The following TLE4 variants were observed in gnomAD, a reference collection of about 807,000 sequenced individuals.
TLE4 encodes TLE family member 4, transcriptional corepressor.
Under a neutral mutation model 92.8 loss-of-function variants are expected in TLE4, and 8 were observed. The observed-to-expected ratio is 0.09, with a 90% confidence interval of 0.05 to 0.16. The LOEUF is 0.16. TLE4 is among the 10% of genes least tolerant of loss of function. TLE4 has a pLI of 1.00. For missense variants in TLE4, 675 were observed against 997.6 expected, an observed-to-expected ratio of 0.68 and a Z score of 4.36; for synonymous variants, 371 against 374.1, an observed-to-expected ratio of 0.99 and a Z score of 0.10.
At chr9:79,665,109 A>G (rs529462391) in intron 8 of TLE4, among the ~76,000 whole-genome samples, 1 of 152,302 alleles carries the variant, frequency 6.6e-6, no homozygotes, top group Admixed American at 6.5e-5. Context: ...AATTCTGTAT[A>G]TGTTTTCCTT....
chr9:79,690,146 C>T (rs1010551351), intron 8 of TLE4, among the ~76,000 whole-genome samples: 5 of 152,126 alleles, frequency 3.3e-5, no homozygotes, highest in Admixed American at 6.5e-5. Context: ...TCTTTCTTTC[C>T]AGACTTAGCC....
chr9:79,574,529 G>T (rs970714519), intron 2 of TLE4, among the ~76,000 whole-genome samples: 7 of 152,072 alleles, frequency 4.6e-5, no homozygotes, highest in African/African-American at 1.7e-4. Flanking sequence ...ATTTGTGCTT[G>T]TATGTGCAGT....
At chr9:79,708,294 T>G (rs2072250112) in intron 12 of TLE4, 44 bp downstream of exon 12, 1 of 1,601,114 alleles carries the variant, frequency 6.2e-7, no homozygotes. Flanking sequence ...TGCTCGTTTT[T>G]AAGAATTTAA....
intron 7 of TLE4, chr9:79,653,018 G>A (rs2059263023): frequency 1.6e-6 from 1 of 611,216 alleles, no homozygotes. Context: ...GCCTATTTCT[G>A]GTTATTGCCT....
intron 8 of TLE4, among the ~76,000 whole-genome samples, chr9:79,698,026 C>T (rs2068738665): frequency 6.6e-6 from 1 of 152,074 alleles, no homozygotes; most frequent in Non-Finnish European, 1.5e-5. Context: ...CCACATTTGC[C>T]AAAAGGGAAT....
rs146670230 is a variant in TLE4 at position 79,589,536 on chromosome 9, A to G, written c.252+13359A>G. On this transcript the variant is annotated intron_variant, in intron 4 of 19. Coordinates refer to ENST00000376552, the MANE Select transcript of TLE4 (RefSeq NM_007005.6). ...ACATCCAGATCTTTGTGGTGCTACTACTGCGCAAGGCAGAAGACATTTTCA... is the reference window on the plus strand; with the variant it reads ...ACATCCAGATCTTTGTGGTGCTACTGCTGCGCAAGGCAGAAGACATTTTCA... Among the ~76,000 whole-genome samples, 6 of 152,050 alleles carry G rather than the reference A, an allele frequency of 3.9e-5. No individual in the cohort carries two copies. The East Asian group carries it at 1.2e-3, about 30-fold the overall frequency.
At chr9:79,626,193 C>A (rs190566195) in intron 5 of TLE4, among the ~76,000 whole-genome samples, 3 of 152,296 alleles carry the variant, frequency 2.0e-5, no homozygotes, top group African/African-American at 7.2e-5. Context: ...ATAATGGTCA[C>A]CCTAGTTAAT....
chr9:79,572,830 C>A lies in TLE4; in HGVS notation c.40C>A (p.His14Asn). Residue 14 changes from histidine to asparagine, a missense_variant, in exon 1 of 20, where the codon CAC becomes AAC. Around this residue, in one of 5 missense-constraint regions of TLE4, gnomAD observed 38 missense variants for 33.5 expected, o/e 1.14. Coordinates refer to ENST00000376552, the MANE Select transcript of TLE4 (RefSeq NM_007005.6). The part of the protein sequence containing the change: ...DLSKMYPQTR[H>N]PAPHQPAQPF... ...GAGCAAGATGTACCCGCAGACCAGA[C>A]ACCCAGTGAGTGCGGGCGGCGGGGC... 6.3e-7 allele frequency: 1 copy of A among 1,599,180 alleles called. No individual in the cohort carries two copies. The highest frequency in any genetic ancestry group is 8.5e-7 in the Non-Finnish European group (1 of 1,173,762).
At position 79,577,339 on chromosome 9, in the gene TLE4, TG is replaced by T. The variant is rs563329423; in HGVS notation, c.252+1164del. Among the ~76,000 whole-genome samples the T allele has an allele frequency of 4.5e-4, 68 of 152,322 alleles. No homozygotes were observed. The South Asian group carries it at 6.6e-3, about 15-fold the overall frequency. On this transcript the variant is annotated intron_variant, in intron 4 of 19. Transcript: ENST00000376552. ...AATAAGGCAATCTGATGAATAGTAT[TG>T]GAAAACAAAAAGTTGGAAAAAAATG... is the stretch of plus-strand genomic sequence containing the variant.
chr9:79,621,857 G>A (rs2051085369), intron 5 of TLE4, among the ~76,000 whole-genome samples: 1 of 152,096 alleles, frequency 6.6e-6, no homozygotes, highest in Non-Finnish European at 1.5e-5. Context: ...AGTACATGTG[G>A]CTAATGGCTT....
chr9:79,704,563 C>A lies in TLE4; in HGVS notation c.610-220C>A, dbSNP rs1588456123. Reference sequence around the variant, plus strand: ...CTCTGCCTCTTCTCGTTTTTTCTTTCTTTCCCATTATCTTTCCCCCTTGTC... The same window carrying A: ...CTCTGCCTCTTCTCGTTTTTTCTTTATTTCCCATTATCTTTCCCCCTTGTC... On this transcript the variant is annotated intron_variant, in intron 8 of 19. Coordinates refer to ENST00000376552, the MANE Select transcript of TLE4 (RefSeq NM_007005.6). 7.4e-6 allele frequency: 4 copies of A among 542,128 alleles called. No homozygotes were observed. The East Asian group carries it at 1.2e-4, about 17-fold the overall frequency. The allele number at this position is 542,128 out of a possible 1,614,324, so 33.6% of individuals were successfully genotyped here. A position where few individuals can be genotyped will look rare whatever the true frequency, so the allele number is the denominator to read the frequency against.
intron 3 of TLE4, among the ~76,000 whole-genome samples, chr9:79,575,191 C>T (rs539424469): frequency 1.5e-4 from 22 of 151,364 alleles, no homozygotes; most frequent in African/African-American, 5.1e-4. Context: ...TTTTACAGAT[C>T]GAAAAAAAAT....
Position 79,681,517 on chromosome 9 carries a change from G to C in TLE4, c.610-23266G>C, listed in dbSNP as rs573188863. On this transcript the variant is annotated intron_variant, in intron 8 of 19. Transcript: ENST00000376552. ...GCATACATGCCTGGTAAAGTTGAAA[G>C]ATCTCTAGCTTTCATGTTACTGGGT... 2.0e-5 allele frequency among the ~76,000 whole-genome samples: 3 copies of C among 152,202 alleles called. No individual in the cohort carries two copies. In the East Asian group the frequency reaches 5.8e-4, roughly 29 times the overall value.
At chr9:79,720,903 G>A (rs1339793518) in intron 16 of TLE4, among the ~76,000 whole-genome samples, 1 of 152,114 alleles carries the variant, frequency 6.6e-6, no homozygotes, top group African/African-American at 2.4e-5. Flanking sequence ...TTACAAATGA[G>A]ATTATAAAAG....
rs1176380008 is a variant in TLE4 at position 79,649,961 on chromosome 9, G to C, written c.391-2632G>C. 3.5e-5 allele frequency: 39 copies of C among 1,105,058 alleles called. No homozygotes were observed. The South Asian group carries it at 5.4e-4, about 15-fold the overall frequency. The allele number at this position is 1,105,058 out of a possible 1,614,324, so 68.5% of individuals were successfully genotyped here. On this transcript the variant is annotated intron_variant, in intron 6 of 19. Coordinates refer to ENST00000376552, the MANE Select transcript of TLE4 (RefSeq NM_007005.6). ...GACAGGGTTTCACTCTGTCACACAG[G>C]CTGGGATGCAGTAGCACAATCATGG...
intron 8 of TLE4, among the ~76,000 whole-genome samples, chr9:79,692,634 T>G (rs1029049683): frequency 6.6e-6 from 1 of 152,192 alleles, no homozygotes; most frequent in Non-Finnish European, 1.5e-5. Context: ...TTCTCACAGT[T>G]CTGGGGGCTG....
chr9:79,721,984 G>A (rs1031179128), intron 17 of TLE4, 96 bp downstream of exon 17: 1 of 1,496,960 alleles, frequency 6.7e-7, no homozygotes, highest in Non-Finnish European at 8.9e-7. Context: ...GGCCAACATG[G>A]TGAAACCCCA....
At chr9:79,704,227 C>T (rs562493156) in intron 8 of TLE4, among the ~76,000 whole-genome samples, 3 of 152,158 alleles carry the variant, frequency 2.0e-5, no homozygotes, top group African/African-American at 4.8e-5. Flanking sequence ...AGTTCTCCTG[C>T]CTCAGCCTCC....
intron 4 of TLE4, among the ~76,000 whole-genome samples, chr9:79,597,916 A>T (rs1376344286): frequency 1.3e-5 from 2 of 151,998 alleles, no homozygotes; most frequent in Non-Finnish European, 2.9e-5. Flanking sequence ...TAGGATGGTG[A>T]ACACCCTTGG....
Sources: gnomAD v4.1 joint callset for allele counts (sites outside exome capture counted in the v4.1 genomes callset) on GRCh38, gnomAD v4.1.1 for gene constraint, gnomAD v4.1.1 regional missense constraint, MANE v1.5 for transcripts, NCBI Gene and HGNC (gene_info 2026-07-23, HGNC 2026-07-21) for gene names.